Variants in KCNMA1 observed in about 807,000 individuals in gnomAD.
KCNMA1 encodes potassium calcium-activated channel subfamily M alpha 1.
A neutral mutation model predicts 140.0 loss-of-function variants in KCNMA1; 29 were observed. That is an observed-to-expected ratio of 0.21 (90% CI 0.15 to 0.28). KCNMA1 has a LOEUF of 0.28. KCNMA1 is among the 10% of genes least tolerant of loss of function. The pLI is 1.00. For synonymous variants in KCNMA1, 612 were observed against 611.9 expected (o/e 1.00, Z 0.00); for missense variants, 880 against 1,602.2 (o/e 0.55, Z 7.70).
At chr10:77,445,260 C>T (rs1327086594) in intron 1 of KCNMA1, among the ~76,000 whole-genome samples, 1 of 152,132 alleles carries the variant, frequency 6.6e-6, no homozygotes, top group Non-Finnish European at 1.5e-5. Context: ...AGGCAGGCCC[C>T]ACAGGTGAGC....
intron 23 of KCNMA1, among the ~76,000 whole-genome samples, chr10:76,919,354 T>C (rs943394535): frequency 6.6e-6 from 1 of 152,206 alleles, no homozygotes; most frequent in Non-Finnish European, 1.5e-5. Flanking sequence ...AAAGACCACC[T>C]GAACTCCTTA....
intron 1 of KCNMA1, among the ~76,000 whole-genome samples, chr10:77,509,812 C>T (rs1208870400): frequency 6.6e-6 from 1 of 152,144 alleles, no homozygotes. Flanking sequence ...GGGAATGGCT[C>T]ACTGGATGTT....
intron 2 of KCNMA1, among the ~76,000 whole-genome samples, chr10:77,349,390 C>A (rs865936694): frequency 2.6e-5 from 4 of 152,166 alleles, no homozygotes; most frequent in Admixed American, 2.6e-4. Flanking sequence ...TGCTTATCAG[C>A]CCCCCAAGTT....
intron 2 of KCNMA1, among the ~76,000 whole-genome samples, chr10:77,314,606 A>C (rs2080239756): frequency 6.6e-6 from 1 of 152,084 alleles, no homozygotes. Flanking sequence ...GATTGTGTTT[A>C]TGTAAGTTCC....
At chr10:77,531,767 T>A (rs193075889) in intron 1 of KCNMA1, among the ~76,000 whole-genome samples, 115 of 152,256 alleles carry the variant, frequency 7.6e-4, no homozygotes, top group African/African-American at 2.5e-3. Context: ...GTGCTCAAAG[T>A]CATCTGGTCT....
At chr10:77,534,338 G>A (rs1384046178) in intron 1 of KCNMA1, among the ~76,000 whole-genome samples, 5 of 152,110 alleles carry the variant, frequency 3.3e-5, no homozygotes. Context: ...GTAACTGGGA[G>A]GCAGAAGGCA....
chr10:77,557,665 T>C (rs1314505234), intron 1 of KCNMA1, among the ~76,000 whole-genome samples: 1 of 109,352 alleles, frequency 9.1e-6, no homozygotes, highest in Non-Finnish European at 1.9e-5. Context: ...TTTTTTTTTT[T>C]GCATGGAATT....
In KCNMA1 at chr10:77,637,485, G is replaced by A; in HGVS notation, c.158C>T (p.Ser53Phe). ...GACCGAGGACGAGGAGGAAGAGGAGGAGGAAGAAGAAGAAGAGGAAGAGGA... is the reference window on the plus strand; with the variant it reads ...GACCGAGGACGAGGAGGAAGAGGAGAAGGAAGAAGAAGAAGAGGAAGAGGA... The part of the protein sequence containing the change: ...SSSSSSSSSS[S>F]SSSSSSSVHE... Residue 53 changes from serine to phenylalanine, a missense_variant, in exon 1 of 28, where the codon TCC (serine) becomes TTC (phenylalanine). Physicochemically the swap from Ser to Phe is radical, Grantham distance 155. Coordinates refer to ENST00000286628, the MANE Select transcript of KCNMA1 (RefSeq NM_001161352.2). 1 of 1,604,288 alleles carries A rather than the reference G, an allele frequency of 6.2e-7. No homozygotes were observed.
At chr10:77,552,720 G>A (rs1431955344) in intron 1 of KCNMA1, among the ~76,000 whole-genome samples, 1 of 152,154 alleles carries the variant, frequency 6.6e-6, no homozygotes, top group Non-Finnish European at 1.5e-5. Context: ...GCGGTGGCCT[G>A]GCTTCCTGAT....
intron 19 of KCNMA1, among the ~76,000 whole-genome samples, chr10:76,998,142 C>A (rs1243777579): frequency 6.6e-6 from 1 of 152,146 alleles, no homozygotes; most frequent in Non-Finnish European, 1.5e-5. Flanking sequence ...ATGGGCCACA[C>A]CTCCATAGAG....
intron 1 of KCNMA1, among the ~76,000 whole-genome samples, chr10:77,603,301 C>G (rs571190923): frequency 6.6e-6 from 1 of 152,268 alleles, no homozygotes; most frequent in East Asian, 1.9e-4. Context: ...CGGTCCCCCC[C>G]ACCCATCTCC....
In KCNMA1 at chr10:77,051,080, T is replaced by C. The variant is rs191936388; in HGVS notation, c.1750-11443A>G. Among the ~76,000 whole-genome samples, 55 of 152,316 alleles carry C rather than the reference T, an allele frequency of 3.6e-4. No individual in the cohort carries two copies. In the East Asian group the frequency reaches 0.01, roughly 28 times the overall value. On this transcript the variant is annotated intron_variant, in intron 14 of 27. Transcript: ENST00000286628. ...AATATCATGACTATATTGAATTCAA[T>C]TAAAAATAAAGTTTCAGAAAATGGC...
intron 13 of KCNMA1, among the ~76,000 whole-genome samples, chr10:77,076,351 G>C (rs1017920073): frequency 2.0e-5 from 3 of 152,176 alleles, no homozygotes; most frequent in Non-Finnish European, 4.4e-5. Flanking sequence ...TCCTTGAAGA[G>C]CTTTGAGCCA....
chr10:77,145,329 C>A (rs1197534975), intron 5 of KCNMA1, among the ~76,000 whole-genome samples: 1 of 152,192 alleles, frequency 6.6e-6, no homozygotes, highest in East Asian at 1.9e-4. Context: ...GAAAGGATTT[C>A]TTATAAATTT....
intron 3 of KCNMA1, among the ~76,000 whole-genome samples, chr10:77,197,375 G>A (rs1342151773): frequency 6.6e-6 from 1 of 152,218 alleles, no homozygotes; most frequent in African/African-American, 2.4e-5. Context: ...GAACATGTAG[G>A]ACTGATGATC....
At chr10:77,076,438 T>C (rs1339748335) in intron 13 of KCNMA1, among the ~76,000 whole-genome samples, 2 of 152,220 alleles carry the variant, frequency 1.3e-5, no homozygotes, top group Non-Finnish European at 2.9e-5. Context: ...CCAAGAATTC[T>C]AGTGATATTA....
chr10:77,340,311 T>C (rs549947967), intron 2 of KCNMA1, among the ~76,000 whole-genome samples: 2 of 152,186 alleles, frequency 1.3e-5, no homozygotes, highest in Non-Finnish European at 2.9e-5. Flanking sequence ...TGGCAATTCT[T>C]CAAGCATCTA....
chr10:77,540,868 G>A (rs1296990835), intron 1 of KCNMA1, among the ~76,000 whole-genome samples: 1 of 152,094 alleles, frequency 6.6e-6, no homozygotes, highest in African/African-American at 2.4e-5. Context: ...AGCTGAGTGT[G>A]GTGGTGCACG....
chr10:76,943,995 G>A (rs972349754), intron 23 of KCNMA1, among the ~76,000 whole-genome samples: 1 of 152,208 alleles, frequency 6.6e-6, no homozygotes, highest in African/African-American at 2.4e-5. Flanking sequence ...CAGCTCGTCT[G>A]TAACAACTAT....
Sources: allele counts gnomAD v4.1 joint callset (sites outside exome capture counted in the v4.1 genomes callset), GRCh38; gene constraint gnomAD v4.1.1; transcripts MANE v1.5; gene names NCBI Gene and HGNC (gene_info 2026-07-23, HGNC 2026-07-21).